Variants in CCDC12 observed in about 807,000 individuals in gnomAD.
CCDC12 encodes coiled-coil domain containing 12.
In CCDC12, 28 loss-of-function variants were observed where a neutral mutation model predicts 25.7. The ratio of observed to expected loss-of-function variants is 1.09; its 90% CI spans 0.81 to 1.50. The LOEUF is 1.50. Among genes scored for constraint, CCDC12 ranks in the 40% most tolerant of loss-of-function variants. The pLI is 0.00. For synonymous variants in CCDC12, 75 were observed against 87.7 expected (o/e 0.86, Z 0.81); for missense variants, 198 against 210.0 (o/e 0.94, Z 0.35).
At chr3:46,962,663 T>C (rs1423483519) in intron 1 of CCDC12, among the ~76,000 whole-genome samples, 1 of 151,866 alleles carries the variant, frequency 6.6e-6, no homozygotes, top group Admixed American at 6.6e-5. Context: ...AGGTAGGAAA[T>C]ACAAATTTAA....
intron 1 of CCDC12, among the ~76,000 whole-genome samples, chr3:46,962,820 G>GTCCTAT (rs376890705): frequency 1.3e-4 from 20 of 152,294 alleles, no homozygotes; most frequent in African/African-American, 4.6e-4. Flanking sequence ...GACAGTATCT[G>GTCCTAT]TCCTATATAC....
chr3:46,922,466 T>C (rs557239161), intron 5 of CCDC12, 154 bp from the exon 6 acceptor site: 7 of 740,868 alleles, frequency 9.4e-6, no homozygotes, highest in Non-Finnish European at 1.6e-5. Flanking sequence ...TCCCCTTCTG[T>C]ACCCTCCGAA....
At chr3:46,957,570 C>A (rs762603961) in intron 1 of CCDC12, among the ~76,000 whole-genome samples, 1 of 152,128 alleles carries the variant, frequency 6.6e-6, no homozygotes, top group African/African-American at 2.4e-5. Context: ...AACCTAACAA[C>A]GAAGTGTGTG....
chr3:46,934,192 A>G (rs1385297159), intron 2 of CCDC12, among the ~76,000 whole-genome samples: 1 of 152,256 alleles, frequency 6.6e-6, no homozygotes, highest in Non-Finnish European at 1.5e-5. Context: ...CACACTGGCC[A>G]TGTGGGACCC....
intron 2 of CCDC12, among the ~76,000 whole-genome samples, chr3:46,939,422 G>C (rs1055081170): frequency 6.6e-6 from 1 of 151,886 alleles, no homozygotes; most frequent in Non-Finnish European, 1.5e-5. Flanking sequence ...TGGAACTCAG[G>C]CTCCAGCCAG....
At chr3:46,941,337 C>A (rs981149629) in intron 1 of CCDC12, among the ~76,000 whole-genome samples, 1 of 152,094 alleles carries the variant, frequency 6.6e-6, no homozygotes, top group Non-Finnish European at 1.5e-5. Context: ...CCGAGGTGGG[C>A]GGATCTCGAG....
intron 1 of CCDC12, among the ~76,000 whole-genome samples, chr3:46,963,545 C>T (rs2034531636): frequency 6.6e-6 from 1 of 152,216 alleles, no homozygotes; most frequent in Non-Finnish European, 1.5e-5. Flanking sequence ...CGGCTCACTG[C>T]AACCTCCCTG....
At chr3:46,941,628 C>T (rs903130307) in intron 1 of CCDC12, among the ~76,000 whole-genome samples, 9 of 151,846 alleles carry the variant, frequency 5.9e-5, no homozygotes, top group Non-Finnish European at 1.3e-4. Flanking sequence ...ACCTGGTAGC[C>T]CTTAGAGAAC....
At chr3:46,941,219 G>A (rs537351865) in intron 1 of CCDC12, among the ~76,000 whole-genome samples, 154 bp from the exon 2 acceptor site, 1 of 152,336 alleles carries the variant, frequency 6.6e-6, no homozygotes, top group East Asian at 1.9e-4. Flanking sequence ...CACGCCTGCT[G>A]CATCTCATAG....
chr3:46,921,876 T>C lies in CCDC12; in HGVS notation c.*181A>G, dbSNP rs2032692654. On this transcript the variant is annotated 3_prime_UTR_variant, in exon 7 of 7. Transcript: ENST00000683445. The stretch of plus-strand genomic sequence containing the variant: ...TTGCTGGTTCTGCCTCCATTCAGAA[T>C]GGCAGGGGCCACCCAGCAGACAAGG... 3 of 634,836 alleles carry C rather than the reference T, an allele frequency of 4.7e-6. No individual in the cohort carries two copies. The highest frequency in any genetic ancestry group is 5.5e-5 in the East Asian group (2 of 36,486). The allele number at this position is 634,836 out of a possible 1,614,324, so 39.3% of individuals were successfully genotyped here.
intron 1 of CCDC12, among the ~76,000 whole-genome samples, chr3:46,951,798 AATAT>A (rs1553649460): frequency 7.1e-4 from 6 of 8,468 alleles, no homozygotes; most frequent in African/African-American, 1.5e-3. Flanking sequence ...AAAAAAAAAA[AATAT>A]ATATATATAT....
chr3:46,976,514 AGCGCCCGCGCATGCG>A (rs1248545411), intron 1 of CCDC12, 108 bp downstream of exon 1: 7 of 1,446,658 alleles, frequency 4.8e-6, no homozygotes, highest in Admixed American at 2.7e-5. Flanking sequence ...CGCATGCGTT[AGCGCCCGCGCATGCG>A]CGCCCTCGGC....
At chr3:46,975,661 G>T (rs1317011737) in intron 1 of CCDC12, among the ~76,000 whole-genome samples, 1 of 149,476 alleles carries the variant, frequency 6.7e-6, no homozygotes, top group African/African-American at 2.5e-5. Context: ...TTCCCAAGTA[G>T]CTGGGACCAC....
At chr3:46,958,661 C>T (rs1379690738) in intron 1 of CCDC12, among the ~76,000 whole-genome samples, 2 of 152,108 alleles carry the variant, frequency 1.3e-5, no homozygotes, top group Non-Finnish European at 2.9e-5. Flanking sequence ...CAACGAGAAC[C>T]CAAGATAAGG....
chr3:46,964,900 A>G (rs1195191846), intron 1 of CCDC12, among the ~76,000 whole-genome samples: 1 of 152,092 alleles, frequency 6.6e-6, no homozygotes, highest in Admixed American at 6.6e-5. Context: ...CTATTGTCCT[A>G]TGACCCTGCC....
intron 6 of CCDC12, 27 bp downstream of exon 6, chr3:46,922,209 C>A: frequency 6.2e-7 from 1 of 1,613,962 alleles, no homozygotes; most frequent in African/African-American, 1.3e-5. Flanking sequence ...GTGGGCAGGA[C>A]CCCACCTTCC....
chr3:46,931,440 AC>A, intron 2 of CCDC12, among the ~76,000 whole-genome samples: 1 of 152,130 alleles, frequency 6.6e-6, no homozygotes, highest in East Asian at 1.9e-4. Context: ...ATCTGATCCA[AC>A]CCCATCACTG....
intron 3 of CCDC12, chr3:46,925,236 G>GA (rs113176702): frequency 5.8e-6 from 4 of 694,504 alleles, no homozygotes. Flanking sequence ...GTGTGAGCAG[G>GA]ACTGAGAAGG....
At chr3:46,941,213 C>T (rs1350576578) in intron 1 of CCDC12, 148 bp from the exon 2 acceptor site, 12 of 712,974 alleles carry the variant, frequency 1.7e-5, no homozygotes, top group Non-Finnish European at 2.8e-5. Flanking sequence ...AGGGTACACG[C>T]CTGCTGCATC....
Sources: gnomAD v4.1 joint callset for allele counts (sites outside exome capture counted in the v4.1 genomes callset) on GRCh38, gnomAD v4.1.1 for gene constraint, MANE v1.5 for transcripts, NCBI Gene and HGNC (gene_info 2026-07-23, HGNC 2026-07-21) for gene names.